The following MIB1 variants were observed in gnomAD, a reference collection of about 807,000 sequenced individuals.
MIB1 encodes E3 ubiquitin-protein ligase MIB1.
In MIB1, 278 loss-of-function variants were observed where a neutral mutation model predicts 124.5. The observed-to-expected ratio is 2.23, with a 90% CI of 2.02 to 2.47. MIB1 has a LOEUF of 2.47. Among genes scored for constraint, MIB1 ranks in the 30% most tolerant of loss-of-function variants. The pLI, the probability that MIB1 is intolerant of heterozygous loss-of-function variation, is 0.00. For synonymous variants in MIB1, 446 were observed against 429.4 expected, an observed-to-expected ratio of 1.04 and a Z score of -0.48; for missense variants, 957 against 1,254.4, an observed-to-expected ratio of 0.76 and a Z score of 3.58.
intron 1 of MIB1, among the ~76,000 whole-genome samples, chr18:21,717,620 C>T (rs1436884746): frequency 6.6e-6 from 1 of 151,972 alleles, no homozygotes; most frequent in East Asian, 1.9e-4. Flanking sequence ...AGAAAAAATA[C>T]AAATGGCCAA....
intron 1 of MIB1, among the ~76,000 whole-genome samples, chr18:21,748,806 C>T (rs1366032339): frequency 6.8e-6 from 1 of 146,624 alleles, no homozygotes; most frequent in Admixed American, 7.0e-5. Context: ...GATTATAGCT[C>T]ATTGCAACCT....
intron 3 of MIB1, 78 bp downstream of exon 3, chr18:21,768,830 A>G: frequency 7.9e-7 from 1 of 1,259,602 alleles, no homozygotes; most frequent in Non-Finnish European, 1.1e-6. Flanking sequence ...CTATAAATGA[A>G]TTTCTTGGTC....
chr18:21,860,121 TTTTTA>T (rs2042264120), intron 20 of MIB1, among the ~76,000 whole-genome samples: 1 of 129,262 alleles, frequency 7.7e-6, no homozygotes. Flanking sequence ...TTTTTTTTTT[TTTTTA>T]GAGTCTCACT....
chr18:21,774,921 TTTTATTTATTTATTTATTTA>T (rs200926882), intron 4 of MIB1, among the ~76,000 whole-genome samples: 2 of 138,258 alleles, frequency 1.4e-5, no homozygotes, highest in Admixed American at 7.2e-5. Flanking sequence ...TTTATTTCCA[TTTTATTTATTTATTTATTTA>T]TTTATTTATT....
At chr18:21,808,884 A>G (rs2041739108) in intron 10 of MIB1, among the ~76,000 whole-genome samples, 1 of 152,088 alleles carries the variant, frequency 6.6e-6, no homozygotes, top group Non-Finnish European at 1.5e-5. Context: ...TTCCAAACAT[A>G]GTACATCTGC....
At chr18:21,834,094 T>G (rs535107346) in intron 12 of MIB1, among the ~76,000 whole-genome samples, 1 of 152,290 alleles carries the variant, frequency 6.6e-6, no homozygotes, top group East Asian at 1.9e-4. Flanking sequence ...TTAACTAAAG[T>G]GCTGCAGGGA....
intron 10 of MIB1, among the ~76,000 whole-genome samples, chr18:21,806,435 C>G (rs2041707474): frequency 6.6e-6 from 1 of 152,058 alleles, no homozygotes; most frequent in Admixed American, 6.6e-5. Context: ...CTCCTGGACT[C>G]AAGTGATCCT....
At chr18:21,847,175 C>A in intron 16 of MIB1, 50 bp downstream of exon 16, 1 of 1,481,060 alleles carries the variant, frequency 6.8e-7, no homozygotes, top group Non-Finnish European at 9.2e-7. Flanking sequence ...CAGAAAATAT[C>A]ATGTGGTTTC....
chr18:21,848,325 A>G (rs756940229), intron 16 of MIB1, among the ~76,000 whole-genome samples: 5 of 152,006 alleles, frequency 3.3e-5, no homozygotes, highest in Admixed American at 1.3e-4. Flanking sequence ...GCGCATGCCT[A>G]TAATCCCAGC....
At chr18:21,707,597 C>T (rs2040645425) in intron 1 of MIB1, among the ~76,000 whole-genome samples, 1 of 152,292 alleles carries the variant, frequency 6.6e-6, no homozygotes, top group African/African-American at 2.4e-5. Context: ...GACCACGAAC[C>T]CACCAGAAGG....
intron 10 of MIB1, among the ~76,000 whole-genome samples, chr18:21,810,627 A>G (rs2041761798): frequency 6.6e-6 from 1 of 151,908 alleles, no homozygotes; most frequent in South Asian, 2.1e-4. Context: ...AGACAATTTA[A>G]TGGGAAAAGA....
intron 1 of MIB1, among the ~76,000 whole-genome samples, chr18:21,735,655 T>G (rs1237280601): frequency 2.0e-5 from 3 of 152,180 alleles, no homozygotes; most frequent in African/African-American, 4.8e-5. Flanking sequence ...CACAGCAGTC[T>G]GAGGTTGACC....
chr18:21,820,937 CTG>C (rs2041872552), intron 12 of MIB1, among the ~76,000 whole-genome samples: 2 of 152,342 alleles, frequency 1.3e-5, no homozygotes, highest in South Asian at 4.1e-4. Context: ...TATGGTCTGT[CTG>C]TGAAGCAAGA....
At chr18:21,749,405 GTTTTC>G (rs2040948152) in intron 1 of MIB1, among the ~76,000 whole-genome samples, 1 of 151,962 alleles carries the variant, frequency 6.6e-6, no homozygotes, top group African/African-American at 2.4e-5. Context: ...CATTTATAGT[GTTTTC>G]TTTTTTGTCA....
In MIB1 at chr18:21,853,203, A is replaced by C. The variant is rs769822960; in HGVS notation, c.2650A>C (p.Met884Leu). Residue 884 changes from methionine (M) to leucine (L), a missense_variant, in exon 18 of 21, where the codon ATG becomes CTG. Physicochemically the swap from Met to Leu is conservative, Grantham distance 15 (BLOSUM62 2). Coordinates refer to ENST00000261537, the MANE Select transcript of MIB1 (RefSeq NM_020774.4). ...AAVLFQPCGHMCACENCANLM... is the reference protein window; with the variant it reads ...AAVLFQPCGHLCACENCANLM... ...TGTTCTTTTTCAACCCTGTGGCCAC[A>C]TGTGTGCTTGTGAGAGTAAGTAGCC... The C allele has an allele frequency of 1.9e-6, 3 of 1,611,418 alleles. No homozygotes were observed. Among genetic ancestry groups the C allele is most frequent in the Non-Finnish European group, 2.5e-6 (3 of 1,177,808 alleles).
chr18:21,841,094 G>C (rs1459861477), intron 13 of MIB1, among the ~76,000 whole-genome samples: 1 of 152,006 alleles, frequency 6.6e-6, no homozygotes, highest in African/African-American at 2.4e-5. Context: ...GGCTGGGTGC[G>C]GTGGCTCATG....
At chr18:21,708,282 T>C (rs151293205) in intron 1 of MIB1, among the ~76,000 whole-genome samples, 118 of 152,338 alleles carry the variant, frequency 7.7e-4, no homozygotes, top group African/African-American at 2.7e-3. Context: ...CAGTTCCTTG[T>C]CTGTAAAATG....
In MIB1 at chr18:21,855,500, T is replaced by C. The variant is rs1568228672; in HGVS notation, c.2666-1630T>C. 2.0e-5 allele frequency among the ~76,000 whole-genome samples: 3 copies of C among 152,356 alleles called. No individual in the cohort carries two copies. The East Asian group carries it at 5.8e-4, about 29-fold the overall frequency. On this transcript the variant is annotated intron_variant, in intron 18 of 20. Coordinates refer to ENST00000261537, the MANE Select transcript of MIB1 (RefSeq NM_020774.4). ...TTATATATTTAGTCAATTAGTCCTT[T>C]ATGTTTAAGAAAAAAATCTGCCTTC...
At chr18:21,858,264 G>A (rs566400997) in intron 19 of MIB1, among the ~76,000 whole-genome samples, 44 of 152,304 alleles carry the variant, frequency 2.9e-4, no homozygotes, top group African/African-American at 1.0e-3. Context: ...AAGGAAGCAC[G>A]TAGAGCCTTG....
Sources: gnomAD v4.1 joint callset for allele counts (sites outside exome capture counted in the v4.1 genomes callset) on GRCh38, gnomAD v4.1.1 for gene constraint, MANE v1.5 for transcripts, NCBI Gene and HGNC (gene_info 2026-07-23, HGNC 2026-07-21) for gene names.